C5: variants seen among roughly 807,000 people sequenced by gnomAD.
C5 encodes the protein C3 and PZP-like alpha-2-macroglobulin domain-containing protein 4.
In C5, 140 loss-of-function variants were observed where a neutral mutation model predicts 218.8. The ratio of observed to expected loss-of-function variants is 0.64; its 90% CI spans 0.56 to 0.74. The LOEUF is 0.74. Among genes scored for constraint, C5 ranks in the 30% least tolerant of loss-of-function variants. The probability of loss-of-function intolerance (pLI) is 0.00; values close to 1 mark genes in which losing one functional copy is unlikely to be tolerated. For missense variants in C5, 1,700 were observed against 1,969.6 expected, an observed-to-expected ratio of 0.86 and a Z score of 2.59; for synonymous variants, 614 against 682.3, an observed-to-expected ratio of 0.90 and a Z score of 1.56.
rs184484615 is a variant in C5, at chr9:120,981,918, G to A, written c.3412C>T (p.Arg1138Ter). 8 of 1,613,694 alleles carry A rather than the reference G, an allele frequency of 5.0e-6. No homozygotes were observed. Among genetic ancestry groups the A allele is most frequent in the Non-Finnish European group, 5.9e-6 (7 of 1,179,712 alleles). Residue 1138 changes from arginine to a stop codon, truncating the protein, a stop_gained, in exon 27 of 41, where the codon CGA (arginine) becomes TGA (stop). Transcript: ENST00000223642. LOFTEE classifies it high-confidence loss of function. ...KLQGTLPVEA[R>*]ENSLYLTAFT... ...GCTGTAAGATATAAGCTGTTCTCTC[G>A]GGCTTCAACAGGCAAGGTACCCTAA... is the stretch of plus-strand genomic sequence containing the variant.
At chr9:120,956,276 A>C (rs2046784132) in intron 39 of C5, among the ~76,000 whole-genome samples, 1 of 152,170 alleles carries the variant, frequency 6.6e-6, no homozygotes, top group Non-Finnish European at 1.5e-5. Context: ...CCTGGGTGAC[A>C]GAGTGAAACG....
In C5 at chr9:121,028,595, C is replaced by T. The variant is rs192343063; in HGVS notation, c.759-1321G>A. The stretch of plus-strand genomic sequence containing the variant: ...CATTCTGAGTGAACTACCACAAGGA[C>T]AGAAAACCAAATGCCGCATGTTCTC... On this transcript the variant is annotated intron_variant, in intron 7 of 40. Transcript: ENST00000223642. 5.5e-3 allele frequency among the ~76,000 whole-genome samples: 834 copies of T among 152,124 alleles called. 2 individuals are homozygous for T. Among genetic ancestry groups the T allele is most frequent in the Admixed American group, 9.8e-3 (150 of 15,290 alleles).
rs1489973845 is a variant in C5, at chr9:121,034,746, C to G, written c.584+57G>C. 3.2e-6 allele frequency: 3 copies of G among 932,566 alleles called. No individual in the cohort carries two copies. The East Asian group carries it at 7.3e-5, about 23-fold the overall frequency. 57.8% of individuals were successfully genotyped at this position (932,566 alleles called of 1,614,324 possible). On this transcript the variant is annotated intron_variant, in intron 5 of 40. Coordinates refer to ENST00000223642, the MANE Select transcript of C5 (RefSeq NM_001735.3). ...TTAGGTGGCCCCCTTTAACTGGTTA[C>G]CTGCTTCTTCACCAAAAGTTCCGTA... is the stretch of plus-strand genomic sequence containing the variant.
intron 21 of C5, among the ~76,000 whole-genome samples, chr9:120,996,504 G>C (rs2047117572): frequency 6.6e-6 from 1 of 152,194 alleles, no homozygotes; most frequent in Non-Finnish European, 1.5e-5. Context: ...TGCTTAAAAA[G>C]AAGTTATTTA....
At chr9:120,991,325 G>A in intron 22 of C5, 45 bp from the exon 23 acceptor site, 1 of 1,029,076 alleles carries the variant, frequency 9.7e-7, no homozygotes, top group Non-Finnish European at 1.5e-6. Context: ...TCCAGGGGAA[G>A]ACTGTTTGCA....
the C5 span, chr9:121,074,767 C>A: frequency 2.2e-6 from 1 of 453,852 alleles, no homozygotes; most frequent in Non-Finnish European, 4.4e-6. Flanking sequence ...CAACGCAATC[C>A]GAAGGCGAAG....
At chr9:121,035,150 C>T (rs923686673) in intron 4 of C5, among the ~76,000 whole-genome samples, 5 of 151,872 alleles carry the variant, frequency 3.3e-5, no homozygotes, top group African/African-American at 4.8e-5. Flanking sequence ...ACTCAACTCT[C>T]GTTGTACATC....
chr9:120,977,639 C>T (rs2046963223), intron 28 of C5, among the ~76,000 whole-genome samples: 1 of 152,168 alleles, frequency 6.6e-6, no homozygotes, highest in South Asian at 2.1e-4. Flanking sequence ...AGCCTGGTCT[C>T]AAACTACTGG....
intron 33 of C5, among the ~76,000 whole-genome samples, chr9:120,964,859 T>C (rs1306556360): frequency 2.0e-5 from 3 of 152,228 alleles, no homozygotes; most frequent in African/African-American, 4.8e-5. Context: ...TTTAAATTTA[T>C]CTTTATAATT....
At chr9:121,044,838 TGA>T (rs2047612764) in intron 2 of C5, among the ~76,000 whole-genome samples, 1 of 152,198 alleles carries the variant, frequency 6.6e-6, no homozygotes, top group Non-Finnish European at 1.5e-5. Context: ...CTAGTGCAAC[TGA>T]GATACTGCAT....
chr9:120,989,686 C>A lies in C5; in HGVS notation c.3036G>T (p.Leu1012=), dbSNP rs750189746. 2.9e-5 allele frequency: 47 copies of A among 1,613,926 alleles called. 1 individual carries two copies. The South Asian group carries it at 4.5e-4, about 15-fold the overall frequency. Residue 1012 remains leucine, a synonymous_variant, in exon 24 of 41, where the codon CTG becomes CTT. Coordinates refer to ENST00000223642, the MANE Select transcript of C5 (RefSeq NM_001735.3). The part of the protein sequence containing the change: ...HLPKGSAEAE[L]MSVVPVFYVF... ...CATAGAATACTGGGACAACGCTCATCAGCTCCGCCTCTGCACTCCCTTTGG... is the reference window on the plus strand; with the variant it reads ...CATAGAATACTGGGACAACGCTCATAAGCTCCGCCTCTGCACTCCCTTTGG...
At chr9:121,067,281 GGCAGGGC>G in the C5 span, among the ~76,000 whole-genome samples, 1 of 151,734 alleles carries the variant, frequency 6.6e-6, no homozygotes, top group Admixed American at 6.6e-5. Flanking sequence ...AAAAAAAATA[GGCAGGGC>G]GCGGTGGCTC....
chr9:121,008,986 T>C (rs916207012), intron 17 of C5, among the ~76,000 whole-genome samples: 2 of 152,142 alleles, frequency 1.3e-5, no homozygotes, highest in Admixed American at 6.5e-5. Context: ...TTTCCACTAA[T>C]AGCATTGGCA....
chr9:121,074,773 C>CGAA, the C5 span: 1 of 454,132 alleles, frequency 2.2e-6, no homozygotes, highest in South Asian at 1.6e-5. Context: ...AATCCGAAGG[C>CGAA]GAAGGCACCG....
chr9:121,002,316 G>GTATATATATATATATATATA (rs71370614), intron 20 of C5, among the ~76,000 whole-genome samples: 4 of 87,400 alleles, frequency 4.6e-5, no homozygotes, highest in African/African-American at 1.8e-4. Flanking sequence ...ATATGTGTGT[G>GTATATATATATATATATATA]TATATATATA....
chr9:121,041,485 A>T (rs537380228), intron 3 of C5, among the ~76,000 whole-genome samples: 7 of 151,576 alleles, frequency 4.6e-5, no homozygotes, highest in Admixed American at 2.0e-4. Context: ...TTGTAGTTTT[A>T]GTAGAGACAG....
intron 33 of C5, 130 bp from the exon 34 acceptor site, chr9:120,963,868 G>T (rs2046846812): frequency 1.5e-6 from 1 of 680,958 alleles, no homozygotes. Context: ...TACAATGTAT[G>T]GGTTAAAATC....
chr9:120,978,618 G>C (rs2046969624), intron 28 of C5, among the ~76,000 whole-genome samples: 1 of 152,196 alleles, frequency 6.6e-6, no homozygotes, highest in Admixed American at 6.5e-5. Flanking sequence ...TTTGTAGATG[G>C]TCATAAACCT....
chr9:121,054,401 A>C (rs1225480288), upstream of C5, among the ~76,000 whole-genome samples: 1 of 152,156 alleles, frequency 6.6e-6, no homozygotes, highest in Non-Finnish European at 1.5e-5. Context: ...GGAGTTCAAG[A>C]CCAGTCTGGC....
Sources: gnomAD v4.1 joint callset for allele counts (sites outside exome capture counted in the v4.1 genomes callset) on GRCh38, gnomAD v4.1.1 for gene constraint, MANE v1.5 for transcripts, NCBI Gene and HGNC (gene_info 2026-07-23, HGNC 2026-07-21) for gene names.